The following LPA variants were observed in gnomAD, a reference collection of about 807,000 sequenced individuals.
LPA encodes apolipoprotein(a).
A neutral mutation model predicts 197.9 loss-of-function variants in LPA; 199 were observed. The observed-to-expected ratio is 1.01, with a 90% CI of 0.90 to 1.13. The LOEUF (loss-of-function observed/expected upper bound fraction) is 1.13. LPA is among the 50% of genes most tolerant of loss of function. LPA has a pLI of 0.00. For synonymous variants in LPA, 715 were observed against 639.5 expected, an observed-to-expected ratio of 1.12 and a Z score of -1.78; for missense variants, 1,853 against 1,785.8, an observed-to-expected ratio of 1.04 and a Z score of -0.68.
intron 18 of LPA, among the ~76,000 whole-genome samples, 192 bp downstream of exon 18, chr6:160,604,854 G>A (rs1779312851): frequency 6.6e-6 from 1 of 152,118 alleles, no homozygotes; most frequent in South Asian, 2.1e-4. Context: ...ATTAAACTAG[G>A]AGGAAGGAGA....
intron 18 of LPA, among the ~76,000 whole-genome samples, chr6:160,604,363 C>G (rs1422637117): frequency 6.6e-6 from 1 of 152,106 alleles, no homozygotes; most frequent in Non-Finnish European, 1.5e-5. Context: ...GTCTGTTGTC[C>G]AACATGTAGA....
rs376371434 is a variant in LPA, at chr6:160,554,249, C to T, written c.4973+1776G>A. Reference sequence around the variant, plus strand: ...TTCTTTGTCAATTCCATCGTTTCTACTATTTCTTGGTCTATTTGTATTGAC... The same window carrying T: ...TTCTTTGTCAATTCCATCGTTTCTATTATTTCTTGGTCTATTTGTATTGAC... On this transcript the variant is annotated intron_variant, in intron 30 of 38. Coordinates refer to ENST00000316300, the MANE Select transcript of LPA (RefSeq NM_005577.4). Among the ~76,000 whole-genome samples the T allele has an allele frequency of 5.3e-5, 8 of 152,166 alleles. No homozygotes were observed. The East Asian group carries it at 1.2e-3, about 22-fold the overall frequency.
chr6:160,538,531 G>A lies in LPA; in HGVS notation c.5736-570C>T, dbSNP rs1176121869. The stretch of plus-strand genomic sequence containing the variant: ...TGAACTAAATGGTATTGTTTTCCAA[G>A]GACATTCATATACCTTAGAATCCCA... On this transcript the variant is annotated intron_variant, in intron 36 of 38. Transcript: ENST00000316300. 3.3e-5 allele frequency among the ~76,000 whole-genome samples: 5 copies of A among 152,284 alleles called. No individual in the cohort carries two copies. The South Asian group carries it at 6.2e-4, about 19-fold the overall frequency.
chr6:160,589,533 G>A lies in LPA; in HGVS notation c.3947+20C>T, dbSNP rs1306867503. On this transcript the variant is annotated intron_variant, in intron 24 of 38. Coordinates refer to ENST00000316300, the MANE Select transcript of LPA (RefSeq NM_005577.4). ...TTAAGTGGGTGGCTGTTTCTCTTGGGAGAAAACTCAAAGACATACCCATTT... is the reference window on the plus strand; with the variant it reads ...TTAAGTGGGTGGCTGTTTCTCTTGGAAGAAAACTCAAAGACATACCCATTT... 4.3e-6 allele frequency: 7 copies of A among 1,612,334 alleles called. No individual in the cohort carries two copies. Among genetic ancestry groups the A allele is most frequent in the Non-Finnish European group, 5.9e-6 (7 of 1,179,598 alleles).
chr6:160,544,531 G>A (rs1370561376), intron 33 of LPA, among the ~76,000 whole-genome samples: 1 of 152,134 alleles, frequency 6.6e-6, no homozygotes, highest in Non-Finnish European at 1.5e-5. Flanking sequence ...GATGGGCAGT[G>A]TGGCTCCCAT....
chr6:160,650,332 A>G lies in LPA; in HGVS notation c.209+6T>C, dbSNP rs769648669. On this transcript the variant is annotated splice_donor_region_variant and intron_variant, in intron 2 of 38. Coordinates refer to ENST00000316300, the MANE Select transcript of LPA (RefSeq NM_005577.4). ...TGTTTTGCTTACTGTAAGATTAATG[A>G]CATACGCATTTGGGTAGTTTTCTGT... 81 of 1,612,860 alleles carry G rather than the reference A, an allele frequency of 5.0e-5. No homozygotes were observed. Among genetic ancestry groups the G allele is most frequent in the Non-Finnish European group, 6.2e-5 (73 of 1,179,526 alleles).
At chr6:160,585,327 G>A in intron 25 of LPA, 122 bp from the exon 26 acceptor site, 2 of 906,414 alleles carry the variant, frequency 2.2e-6, no homozygotes, top group Non-Finnish European at 3.7e-6. Context: ...ATATTAGCAT[G>A]CAAATTGAAA....
At chr6:160,568,977 A>C (rs575880764) in intron 28 of LPA, among the ~76,000 whole-genome samples, 1 of 152,346 alleles carries the variant, frequency 6.6e-6, no homozygotes, top group South Asian at 2.1e-4. Context: ...TTAATGAAAT[A>C]AAAGAGGACA....
Position 160,599,507 on chromosome 6 carries a change from G to T in LPA, c.3280C>A (p.Pro1094Thr). 2.5e-6 allele frequency: 4 copies of T among 1,613,756 alleles called. No homozygotes were observed. Among genetic ancestry groups the T allele is most frequent in the Non-Finnish European group, 3.4e-6 (4 of 1,179,908 alleles). ...HQHSRTPENY[P>T]NAGLTRNYCR... ...TAAAGAACAAAGACGTACGCATTTG[G>T]GTAGTTTTCTGGGGTCCGACTATGC... The change falls in exon 20 of 39, where the codon CCA (proline) becomes ACA (threonine). Residue 1094 changes from proline (P) to threonine (T), a missense_variant. Physicochemically the swap from Pro to Thr is conservative, Grantham distance 38. Coordinates refer to ENST00000316300, the MANE Select transcript of LPA (RefSeq NM_005577.4).
At chr6:160,657,909 C>T (rs1207122315) in intron 1 of LPA, among the ~76,000 whole-genome samples, 1 of 152,110 alleles carries the variant, frequency 6.6e-6, no homozygotes, top group Non-Finnish European at 1.5e-5. Context: ...AATGCACCTC[C>T]TCATGGGTCA....
rs922838185 is a variant in LPA at position 160,605,032 on chromosome 6, G to A, written c.2945+14C>T. 4.3e-6 allele frequency: 7 copies of A among 1,613,156 alleles called. No individual in the cohort carries two copies. In the South Asian group the frequency reaches 7.7e-5, roughly 18 times the overall value. On this transcript the variant is annotated intron_variant, in intron 18 of 38. Transcript: ENST00000316300. ...TGACCCTTCCTTCACTTATGGTAAAGAAAATAGACATACGCATTTGGGTAG... is the reference window on the plus strand; with the variant it reads ...TGACCCTTCCTTCACTTATGGTAAAAAAAATAGACATACGCATTTGGGTAG...
At chr6:160,654,297 T>C (rs1780094105) in intron 1 of LPA, among the ~76,000 whole-genome samples, 1 of 148,826 alleles carries the variant, frequency 6.7e-6, no homozygotes, top group Non-Finnish European at 1.5e-5. Flanking sequence ...GGGAAGCTAA[T>C]TCAGTCTAGT....
intron 25 of LPA, 126 bp downstream of exon 25, chr6:160,586,323 A>G: frequency 6.2e-6 from 7 of 1,122,282 alleles, no homozygotes; most frequent in Non-Finnish European, 7.8e-6. Context: ...CTTCCTTCCC[A>G]TTGGCTGTCC....
rs1779986962 is a variant in LPA, at chr6:160,650,571, A to T, written c.50-74T>A. The T allele has an allele frequency of 2.1e-6, 3 of 1,457,146 alleles. No homozygotes were observed. In the Admixed American group the frequency reaches 5.0e-5, roughly 24 times the overall value. 90.3% of individuals were successfully genotyped at this position (1,457,146 alleles called of 1,614,324 possible). A position where few individuals can be genotyped will look rare whatever the true frequency, so the allele number is the denominator to read the frequency against. On this transcript the variant is annotated intron_variant, in intron 1 of 38. Transcript: ENST00000316300. ...AAAAATGTGAAGTCATTTATGACAC[A>T]AACAGGAAAAAGTCTCTGAGAATTA...
chr6:160,600,877 C>G, intron 19 of LPA, 40 bp downstream of exon 19: 3 of 1,607,336 alleles, frequency 1.9e-6, no homozygotes, highest in Non-Finnish European at 2.6e-6. Context: ...GCTTTTCATC[C>G]CAGCATCCAA....
chr6:160,534,008 A>C (rs1252734552), intron 37 of LPA, among the ~76,000 whole-genome samples: 1 of 152,214 alleles, frequency 6.6e-6, no homozygotes, highest in Non-Finnish European at 1.5e-5. Context: ...AAACTTTGCA[A>C]GCATGGCACA....
Position 160,658,891 on chromosome 6 carries a change from T to TATGA in LPA, c.49+5274_49+5275insTCAT, listed in dbSNP as rs1562356854. Among the ~76,000 whole-genome samples, 181 of 149,016 alleles carry TATGA rather than the reference T, an allele frequency of 1.2e-3. 2 individuals carry two copies. The highest frequency in any genetic ancestry group is 6.8e-3 in the Middle Eastern group (2 of 292). ...ATAGGAGATTATATATATATATATA[T>TATGA]GAGAGAGAGAGAGAGAGAGTATATG... On this transcript the variant is annotated intron_variant, in intron 1 of 38. Coordinates refer to ENST00000316300, the MANE Select transcript of LPA (RefSeq NM_005577.4).
At chr6:160,659,427 G>A (rs899059424) in intron 1 of LPA, among the ~76,000 whole-genome samples, 2 of 152,210 alleles carry the variant, frequency 1.3e-5, no homozygotes, top group African/African-American at 4.8e-5. Context: ...AACACAGAGT[G>A]CAGCCAGTGG....
intron 28 of LPA, among the ~76,000 whole-genome samples, chr6:160,558,680 G>A (rs76640890): frequency 1.6e-4 from 24 of 152,304 alleles, no homozygotes; most frequent in Non-Finnish European, 2.9e-4. Context: ...TGGCTGGGTA[G>A]ACAATGGGAT....
Sources: allele counts gnomAD v4.1 joint callset (sites outside exome capture counted in the v4.1 genomes callset), GRCh38; gene constraint gnomAD v4.1.1; transcripts MANE v1.5; gene names NCBI Gene and HGNC (gene_info 2026-07-23, HGNC 2026-07-21).